Variants in MAGI2 observed in about 807,000 individuals in gnomAD.
MAGI2 encodes membrane associated guanylate kinase, WW and PDZ domain containing 2, also known as membrane-associated guanylate kinase, WW and PDZ domain-containing protein 2.
In MAGI2, 35 loss-of-function variants were observed where a neutral mutation model predicts 133.3. The observed-to-expected ratio is 0.26, with a 90% CI of 0.20 to 0.35. The LOEUF is 0.35. Among genes scored for constraint, MAGI2 ranks in the 10% least tolerant of loss-of-function variants. The probability of loss-of-function intolerance (pLI) is 1.00; values close to 1 mark genes in which losing one functional copy is unlikely to be tolerated. For missense variants in MAGI2, 1,636 were observed against 1,863.4 expected (o/e 0.88, Z 2.25); for synonymous variants, 729 against 710.6 (o/e 1.03, Z -0.41).
intron 2 of MAGI2, among the ~76,000 whole-genome samples, chr7:78,753,422 T>TA (rs1176710238): frequency 6.6e-6 from 1 of 151,950 alleles, no homozygotes; most frequent in Non-Finnish European, 1.5e-5. Context: ...CTTTAAGTCT[T>TA]AAAAAAATCA....
At chr7:78,491,871 T>TTGTGTGTGTGTG (rs10598552) in intron 5 of MAGI2, among the ~76,000 whole-genome samples, 13 of 141,108 alleles carry the variant, frequency 9.2e-5, no homozygotes, top group African/African-American at 2.6e-4. Flanking sequence ...TCCGTTCAAA[T>TTGTGTGTGTGTG]TGTGTGTGTG....
chr7:78,764,943 G>C (rs568818698), intron 2 of MAGI2, among the ~76,000 whole-genome samples: 4 of 152,126 alleles, frequency 2.6e-5, no homozygotes, highest in East Asian at 1.9e-4. Flanking sequence ...AGCCATCTTC[G>C]GATGAGACCT....
chr7:79,153,804 A>C (rs763620065), intron 1 of MAGI2, among the ~76,000 whole-genome samples: 1 of 152,208 alleles, frequency 6.6e-6, no homozygotes, highest in African/African-American at 2.4e-5. Flanking sequence ...TATGCAAAGC[A>C]TCACATTAAT....
At chr7:78,147,731 G>A (rs1016624028) in intron 16 of MAGI2, among the ~76,000 whole-genome samples, 4 of 151,758 alleles carry the variant, frequency 2.6e-5, no homozygotes, top group African/African-American at 7.3e-5. Context: ...AGAGAAAAAC[G>A]CAAACTAAAA....
At chr7:78,772,411 T>C (rs1585367859) in intron 2 of MAGI2, among the ~76,000 whole-genome samples, 2 of 152,202 alleles carry the variant, frequency 1.3e-5, no homozygotes, top group East Asian at 3.9e-4. Flanking sequence ...CCACGGATTC[T>C]TAATTCAGGA....
intron 2 of MAGI2, among the ~76,000 whole-genome samples, chr7:78,826,879 A>G (rs1448441455): frequency 6.6e-6 from 1 of 152,274 alleles, no homozygotes; most frequent in East Asian, 1.9e-4. Flanking sequence ...ACACATACAC[A>G]CAACTCCTGG....
rs553359459 is a variant in MAGI2, at chr7:78,465,961, T to C, written c.1045+23800A>G. Among the ~76,000 whole-genome samples the C allele has an allele frequency of 3.9e-5, 6 of 152,278 alleles. No homozygotes were observed. In the East Asian group the frequency reaches 1.2e-3, roughly 29 times the overall value. ...GGGATAGATGAATGTTCAGCACCAA[T>C]CATTTAAAAGGGGCTGTCTTACCTA... On this transcript the variant is annotated intron_variant, in intron 6 of 21. Coordinates refer to ENST00000354212, the MANE Select transcript of MAGI2 (RefSeq NM_012301.4).
chr7:78,855,665 C>G (rs1793570026), intron 2 of MAGI2, among the ~76,000 whole-genome samples: 1 of 152,108 alleles, frequency 6.6e-6, no homozygotes, highest in Non-Finnish European at 1.5e-5. Flanking sequence ...TGATGGACAT[C>G]TGGGTTGGTT....
chr7:78,234,398 A>C (rs1163640499), intron 10 of MAGI2, among the ~76,000 whole-genome samples: 1 of 152,290 alleles, frequency 6.6e-6, no homozygotes, highest in South Asian at 2.1e-4. Flanking sequence ...CCATAAATGT[A>C]CCACACAATA....
At chr7:79,398,932 A>G (rs1367955827) in intron 1 of MAGI2, among the ~76,000 whole-genome samples, 1 of 152,106 alleles carries the variant, frequency 6.6e-6, no homozygotes, top group Non-Finnish European at 1.5e-5. Flanking sequence ...CTCAGATCAA[A>G]TTTCTTTATC....
chr7:78,744,938 T>C (rs1822780344), intron 2 of MAGI2, among the ~76,000 whole-genome samples: 1 of 152,188 alleles, frequency 6.6e-6, no homozygotes, highest in Non-Finnish European at 1.5e-5. Context: ...TTTTCCCAGG[T>C]CCTGTTTGTA....
At chr7:78,710,559 C>T (rs1240389461) in intron 2 of MAGI2, among the ~76,000 whole-genome samples, 1 of 152,160 alleles carries the variant, frequency 6.6e-6, no homozygotes, top group Non-Finnish European at 1.5e-5. Context: ...ATACCAAACA[C>T]ATTCCTCAGG....
chr7:78,160,183 C>A lies in MAGI2; in HGVS notation c.2687G>T (p.Ser896Ile). Residue 896 changes from serine to isoleucine, a missense_variant, in exon 16 of 22, where the codon AGC becomes ATC. Ser to Ile is a moderately radical substitution (Grantham distance 142). Transcript: ENST00000354212. The part of the protein sequence containing the change: ...PRSDYATYTN[S>I]NHAAPSSNAS... ...ATTGCTACTGGGGGCAGCGTGGTTG[C>A]TGTTGGTGTAGGTTGCGTAGTCACT... 1 of 1,612,718 alleles carries A rather than the reference C, an allele frequency of 6.2e-7. No individual in the cohort carries two copies. The highest frequency in any genetic ancestry group is 8.5e-7 in the Non-Finnish European group (1 of 1,179,332).
At chr7:78,898,778 C>T (rs999913434) in intron 2 of MAGI2, among the ~76,000 whole-genome samples, 4 of 152,128 alleles carry the variant, frequency 2.6e-5, no homozygotes, top group African/African-American at 9.7e-5. Flanking sequence ...ATATACCAAA[C>T]CTGCACATGT....
chr7:79,062,802 G>C (rs1813886706), intron 1 of MAGI2, among the ~76,000 whole-genome samples: 1 of 152,094 alleles, frequency 6.6e-6, no homozygotes, highest in African/African-American at 2.4e-5. Context: ...AGGGTTGGGT[G>C]AATGATGAGT....
intron 1 of MAGI2, chr7:79,412,542 G>T (rs1429601528): frequency 2.0e-5 from 3 of 152,140 alleles, no homozygotes; most frequent in African/African-American, 7.2e-5. Context: ...CATTTTTGTT[G>T]TCCTTCACCT....
chr7:79,145,855 C>T (rs979529749), intron 1 of MAGI2, among the ~76,000 whole-genome samples: 4 of 152,214 alleles, frequency 2.6e-5, no homozygotes, highest in Admixed American at 1.3e-4. Flanking sequence ...TCACTGGACA[C>T]TAATAGAGTG....
intron 2 of MAGI2, among the ~76,000 whole-genome samples, chr7:78,767,980 C>G (rs1554562312): frequency 6.6e-6 from 1 of 152,136 alleles, no homozygotes; most frequent in Non-Finnish European, 1.5e-5. Flanking sequence ...TCATTTCTCC[C>G]TTGATGGTTT....
intron 2 of MAGI2, among the ~76,000 whole-genome samples, chr7:78,919,981 A>T (rs1799103385): frequency 6.6e-6 from 1 of 152,084 alleles, no homozygotes; most frequent in African/African-American, 2.4e-5. Context: ...TCATATTTAG[A>T]GCCATCTCTA....
Sources: allele counts gnomAD v4.1 joint callset (sites outside exome capture counted in the v4.1 genomes callset), GRCh38; gene constraint gnomAD v4.1.1; transcripts MANE v1.5; gene names NCBI Gene and HGNC (gene_info 2026-07-23, HGNC 2026-07-21).